The following TRPM3 variants were observed in gnomAD, a reference collection of about 807,000 sequenced individuals.
TRPM3 encodes transient receptor potential cation channel subfamily M member 3.
Under a neutral mutation model 181.2 loss-of-function variants are expected in TRPM3, and 77 were observed. The observed-to-expected ratio is 0.42, with a 90% CI of 0.35 to 0.51. TRPM3 has a LOEUF of 0.51. Ranked by LOEUF, TRPM3 falls within the 20% of genes least tolerant of loss-of-function variation. TRPM3 has a pLI of 0.01. For synonymous variants in TRPM3, 745 were observed against 796.4 expected, an observed-to-expected ratio of 0.94 and a Z score of 1.09; for missense variants, 1,759 against 2,196.7, an observed-to-expected ratio of 0.80 and a Z score of 3.98.
Position 71,154,095 on chromosome 9 carries a change from T to C in TRPM3, c.184-289584A>G, listed in dbSNP as rs144847825. ...CAACAACAACAAAACCTTTGGAGTT[T>C]ATGATTTTGGAGTTCTTGAAATAAA... On this transcript the variant is annotated intron_variant, in intron 1 of 24. Transcript: ENST00000357533. Among the ~76,000 whole-genome samples the C allele has an allele frequency of 1.0e-3, 158 of 152,300 alleles. 1 individual carries two copies. The East Asian group carries it at 0.028, about 27-fold the overall frequency.
At chr9:70,901,764 T>G (rs1436737647) in intron 1 of TRPM3, among the ~76,000 whole-genome samples, 1 of 152,192 alleles carries the variant, frequency 6.6e-6, no homozygotes, top group Non-Finnish European at 1.5e-5. Context: ...CACAAAAGAA[T>G]AGAAAGGAGG....
At position 70,953,588 on chromosome 9, in the gene TRPM3, T is replaced by A. The variant is rs1211856757; in HGVS notation, c.178-89077A>T. 2.0e-5 allele frequency among the ~76,000 whole-genome samples: 3 copies of A among 152,082 alleles called. No homozygotes were observed. In the East Asian group the frequency reaches 5.8e-4, roughly 29 times the overall value. ...GAAGTTAATTTGTAGGCCGTAAAAATGGTATTATTTAATATGAGGTGAGAT... is the reference window on the plus strand; with the variant it reads ...GAAGTTAATTTGTAGGCCGTAAAAAAGGTATTATTTAATATGAGGTGAGAT... On this transcript the variant is annotated intron_variant, in intron 1 of 25. Transcript: ENST00000677713.
intron 1 of TRPM3, among the ~76,000 whole-genome samples, chr9:70,935,060 C>T (rs2096814133): frequency 6.6e-6 from 1 of 152,128 alleles, no homozygotes; most frequent in Non-Finnish European, 1.5e-5. Context: ...CCTCATCTTC[C>T]ATCACTTCCC....
At chr9:71,382,221 T>C (rs2092817233) in intron 1 of TRPM3, among the ~76,000 whole-genome samples, 1 of 152,096 alleles carries the variant, frequency 6.6e-6, no homozygotes, top group Non-Finnish European at 1.5e-5. Context: ...ATTAAACTTT[T>C]AAAACAGCTA....
Position 70,741,690 on chromosome 9 carries a change from G to GGA in TRPM3, c.1272+19909_1272+19910dup. Among the ~76,000 whole-genome samples, 2 of 152,296 alleles carry GGA rather than the reference G, an allele frequency of 1.3e-5. 1 individual carries two copies. The highest frequency in any genetic ancestry group is 2.9e-5 in the Non-Finnish European group (2 of 68,024). On this transcript the variant is annotated intron_variant, in intron 8 of 25. Transcript: ENST00000677713. ...CATTCATAGCAACCTGTATGGAATT[G>GGA]GAGACCATTATTCTAAGTGAAGTAA...
At chr9:70,764,087 G>C (rs1309787362) in intron 7 of TRPM3, among the ~76,000 whole-genome samples, 1 of 152,146 alleles carries the variant, frequency 6.6e-6, no homozygotes, top group Admixed American at 6.5e-5. Context: ...GATCAATGGG[G>C]ACTTCGAAGG....
In TRPM3 at chr9:70,557,800, G is replaced by A. The variant is rs770448486; in HGVS notation, c.3224-4490C>T. ...GTCCTTTTGCAAGAGGCAAATGCAT[G>A]GTCAGTACCACCTCCATACCAAGTG... On this transcript the variant is annotated intron_variant, in intron 22 of 25. Transcript: ENST00000677713. Among the ~76,000 whole-genome samples, 28 of 152,238 alleles carry A rather than the reference G, an allele frequency of 1.8e-4. No individual in the cohort carries two copies. In the South Asian group the frequency reaches 1.9e-3, roughly 10 times the overall value.
chr9:71,260,752 G>T (rs1005490947), intron 1 of TRPM3, among the ~76,000 whole-genome samples: 9 of 152,192 alleles, frequency 5.9e-5, no homozygotes, highest in Non-Finnish European at 1.0e-4. Flanking sequence ...CTTTGCTGAA[G>T]TTGCTTATCA....
intron 5 of TRPM3, among the ~76,000 whole-genome samples, chr9:70,832,171 T>C (rs1476979929): frequency 7.0e-5 from 10 of 141,858 alleles, no homozygotes; most frequent in Non-Finnish European, 9.2e-5. Context: ...AGGGATAGCA[T>C]TGGGAGATAT....
chr9:71,228,652 A>G (rs1313073379), intron 1 of TRPM3, among the ~76,000 whole-genome samples: 1 of 152,218 alleles, frequency 6.6e-6, no homozygotes, highest in Non-Finnish European at 1.5e-5. Context: ...TACAAAAATC[A>G]GTAGCATTTC....
intron 1 of TRPM3, among the ~76,000 whole-genome samples, chr9:71,354,242 G>A (rs2091799051): frequency 6.6e-6 from 1 of 152,156 alleles, no homozygotes; most frequent in South Asian, 2.1e-4. Context: ...ATAGGCCACA[G>A]AGAATGTCCA....
chr9:70,848,890 T>C (rs1589206232), intron 3 of TRPM3, among the ~76,000 whole-genome samples: 1 of 41,332 alleles, frequency 2.4e-5, no homozygotes, highest in Admixed American at 2.8e-4. Context: ...GGCAGGAGAA[T>C]GGCTTGAACC....
intron 1 of TRPM3, among the ~76,000 whole-genome samples, chr9:71,194,776 T>C (rs960712610): frequency 3.3e-5 from 5 of 151,790 alleles, no homozygotes; most frequent in Non-Finnish European, 5.9e-5. Flanking sequence ...TACTCTACCA[T>C]TGGGAGTATG....
intron 1 of TRPM3, among the ~76,000 whole-genome samples, chr9:71,056,658 A>G (rs2060693587): frequency 6.6e-6 from 1 of 152,042 alleles, no homozygotes; most frequent in South Asian, 2.1e-4. Flanking sequence ...CTACAAGAAG[A>G]AAAAATTAGG....
chr9:71,298,359 A>T (rs1363457712), intron 1 of TRPM3, among the ~76,000 whole-genome samples: 1 of 152,146 alleles, frequency 6.6e-6, no homozygotes, highest in East Asian at 1.9e-4. Flanking sequence ...ATGCACTGAG[A>T]TATTTGTCTA....
intron 1 of TRPM3, among the ~76,000 whole-genome samples, chr9:71,002,950 A>C (rs1413295772): frequency 6.6e-6 from 1 of 152,140 alleles, no homozygotes; most frequent in African/African-American, 2.4e-5. Flanking sequence ...AATAATTGTC[A>C]TTGTTATTGA....
At chr9:70,913,745 T>C (rs960334600) in intron 1 of TRPM3, among the ~76,000 whole-genome samples, 23 of 152,230 alleles carry the variant, frequency 1.5e-4, no homozygotes, top group Admixed American at 1.2e-3. Context: ...TTTCTGTCTC[T>C]GTAATACTCT....
chr9:71,344,675 T>C (rs1399733011), intron 1 of TRPM3, among the ~76,000 whole-genome samples: 1 of 152,146 alleles, frequency 6.6e-6, no homozygotes, highest in Non-Finnish European at 1.5e-5. Flanking sequence ...CCACTGAGGT[T>C]GACAGATTCA....
intron 9 of TRPM3, among the ~76,000 whole-genome samples, chr9:70,672,939 C>T (rs2063260731): frequency 6.6e-6 from 1 of 152,008 alleles, no homozygotes; most frequent in South Asian, 2.1e-4. Flanking sequence ...GTTAATTAGT[C>T]GAGATCCCCC....
Sources: allele counts gnomAD v4.1 joint callset (sites outside exome capture counted in the v4.1 genomes callset), GRCh38; gene constraint gnomAD v4.1.1; transcripts MANE v1.5; gene names NCBI Gene and HGNC (gene_info 2026-07-23, HGNC 2026-07-21).